Variants in BLM observed in about 807,000 individuals in gnomAD.
The protein encoded by BLM is recQ-like DNA helicase BLM.
Under a neutral mutation model 135.3 loss-of-function variants are expected in BLM, and 95 were observed. That is an observed-to-expected ratio of 0.70 (90% confidence interval 0.59 to 0.83). The LOEUF (loss-of-function observed/expected upper bound fraction) is 0.83. BLM is among the 40% of genes least tolerant of loss of function. The pLI is 0.00. For missense variants in BLM, 1,518 were observed against 1,663.9 expected, an observed-to-expected ratio of 0.91 and a Z score of 1.53; for synonymous variants, 520 against 589.2, an observed-to-expected ratio of 0.88 and a Z score of 1.70.
chr15:90,767,613 C>T (rs77039044), intron 10 of BLM, among the ~76,000 whole-genome samples: 24,057 of 152,126 alleles, frequency 0.16, 1,987 homozygotes, highest in East Asian at 0.23. Context: ...GTGATATGTT[C>T]TCATGCCCAC....
At chr15:90,750,105 G>T (rs368181265) in intron 3 of BLM, 38 bp downstream of exon 3, 1 of 1,599,848 alleles carries the variant, frequency 6.3e-7, no homozygotes, top group Admixed American at 1.7e-5. Flanking sequence ...TATGTTCATT[G>T]TACTTTTTTA....
chr15:90,794,101 T>A, intron 15 of BLM, 66 bp from the exon 16 acceptor site: 1 of 1,213,786 alleles, frequency 8.2e-7, no homozygotes, highest in Non-Finnish European at 1.2e-6. Flanking sequence ...CTATTCTAAA[T>A]ATTTCTATGA....
rs367658942 is a variant in BLM at position 90,790,440 on chromosome 15, C to G, written c.2824-209C>G. ...CCTGCCATGCTGAGCTTCTCTTTAC[C>G]TTCTTGGGTTTTAATGGCATTGCAA... On this transcript the variant is annotated intron_variant, in intron 14 of 21. Transcript: ENST00000355112. The G allele has an allele frequency of 5.8e-5, 34 of 582,974 alleles. No homozygotes were observed. The highest frequency in any genetic ancestry group is 2.9e-4 in the South Asian group (14 of 48,860). 36.1% of individuals were successfully genotyped at this position (582,974 alleles called of 1,614,324 possible).
intron 4 of BLM, among the ~76,000 whole-genome samples, chr15:90,752,618 G>T (rs1009955297): frequency 6.6e-6 from 1 of 152,204 alleles, no homozygotes; most frequent in African/African-American, 2.4e-5. Context: ...CTACAGGATA[G>T]AATTGGCCAT....
chr15:90,752,751 T>G (rs1895721414), intron 4 of BLM, among the ~76,000 whole-genome samples: 1 of 152,210 alleles, frequency 6.6e-6, no homozygotes, highest in African/African-American at 2.4e-5. Flanking sequence ...AGTGTCAATG[T>G]TACCTTCGTC....
In BLM at chr15:90,766,928, A is replaced by T; in HGVS notation, c.2212A>T (p.Thr738Ser). Residue 738 changes from threonine to serine, a missense_variant, in exon 10 of 22, where the codon ACA becomes TCA. By Grantham distance (58) the Thr-to-Ser change is moderately conservative. Transcript: ENST00000355112. ...TSLDIPATYL[T>S]GDKTDSEATN... ...TACTTAGATTCCAGCTACATATCTG[A>T]CAGGTGATAAGACTGACTCAGAAGC... 1 of 1,598,194 alleles carries T rather than the reference A, an allele frequency of 6.3e-7. No individual in the cohort carries two copies. Among genetic ancestry groups the T allele is most frequent in the Non-Finnish European group, 8.6e-7 (1 of 1,166,506 alleles).
intron 14 of BLM, 57 bp from the exon 15 acceptor site, chr15:90,790,592 A>T (rs1896878252): frequency 6.6e-7 from 1 of 1,517,606 alleles, no homozygotes; most frequent in Non-Finnish European, 9.2e-7. Flanking sequence ...TCTATTATGA[A>T]AATGTTCCTT....
chr15:90,739,085 ATAT>A (rs1417876981), intron 1 of BLM, among the ~76,000 whole-genome samples: 2 of 152,172 alleles, frequency 1.3e-5, no homozygotes, highest in South Asian at 2.1e-4. Flanking sequence ...CTACAGTTAG[ATAT>A]TATTCAGCCT....
At chr15:90,809,962 G>A (rs1423936765) in intron 20 of BLM, among the ~76,000 whole-genome samples, 1 of 152,146 alleles carries the variant, frequency 6.6e-6, no homozygotes, top group Non-Finnish European at 1.5e-5. Flanking sequence ...CAACAGACAG[G>A]CCCGGTTCAG....
chr15:90,761,798 G>A (rs550212792), intron 7 of BLM, among the ~76,000 whole-genome samples: 34 of 152,194 alleles, frequency 2.2e-4, no homozygotes, highest in Middle Eastern at 3.4e-3. Context: ...GTTGGGCGCC[G>A]ATCATTTAAA....
intron 9 of BLM, among the ~76,000 whole-genome samples, chr15:90,765,873 A>T (rs1004138766): frequency 6.6e-6 from 1 of 152,174 alleles, no homozygotes; most frequent in Admixed American, 6.5e-5. Flanking sequence ...AGTGACTTGG[A>T]AGGCAAAGGT....
chr15:90,728,199 A>G (rs1157397218), intron 1 of BLM, among the ~76,000 whole-genome samples: 2 of 151,706 alleles, frequency 1.3e-5, no homozygotes, highest in Non-Finnish European at 2.9e-5. Context: ...ACCATGACCA[A>G]CAAATATTTG....
rs375896520 is a variant in BLM, at chr15:90,811,278, C to G, written c.3948C>G (p.Asp1316Glu). Residue 1316 changes from aspartate (D) to glutamate (E), a missense_variant, in exon 21 of 22, where the codon GAC (aspartate) becomes GAG (glutamate). By Grantham distance (45) the Asp-to-Glu change is conservative. Coordinates refer to ENST00000355112, the MANE Select transcript of BLM (RefSeq NM_000057.4). ...GAAGAAGTGCCGCTGAGGAGCTCGA[C>G]GAGGAAATACCCGTATCTTCCCACT... ...GPGRSAAEEL[D>E]EEIPVSSHYF... The G allele has an allele frequency of 6.2e-7, 1 of 1,614,082 alleles. No homozygotes were observed. Among genetic ancestry groups the G allele is most frequent in the Non-Finnish European group, 8.5e-7 (1 of 1,180,026 alleles).
At chr15:90,791,724 C>T (rs889608860) in intron 15 of BLM, among the ~76,000 whole-genome samples, 6 of 152,072 alleles carry the variant, frequency 3.9e-5, no homozygotes, top group East Asian at 3.9e-4. Context: ...CTGCAACCTC[C>T]GCCTCCCGGG....
intron 1 of BLM, among the ~76,000 whole-genome samples, chr15:90,744,634 T>G (rs1405164433): frequency 1.3e-5 from 2 of 152,068 alleles, no homozygotes; most frequent in Non-Finnish European, 2.9e-5. Context: ...CCTTCCAAAG[T>G]GCTGGGATTA....
At position 90,815,610 on chromosome 15, in the gene BLM, A is replaced by G. The variant is rs1002600000; in HGVS notation, c.*331A>G. 5.9e-6 allele frequency: 2 copies of G among 339,960 alleles called. No homozygotes were observed. The highest frequency in any genetic ancestry group is 4.3e-5 in the African/African-American group (2 of 46,702). The allele number at this position is 339,960 out of a possible 1,614,324, so 21.1% of individuals were successfully genotyped here. A position where few individuals can be genotyped will look rare whatever the true frequency, so the allele number is the denominator to read the frequency against. The stretch of plus-strand genomic sequence containing the variant: ...CACGCGTGGGCCCTTGTGAAACTAA[A>G]GCTTTTCGTGTAAGACAACACAAAC... On this transcript the variant is annotated 3_prime_UTR_variant, in exon 22 of 22. Transcript: ENST00000355112. This position sits in a 1 kb window ranked among gnomAD's most constrained non-coding sequence, Gnocchi z 4.6.
intron 12 of BLM, among the ~76,000 whole-genome samples, chr15:90,775,498 T>A (rs1896450393): frequency 7.1e-6 from 1 of 141,596 alleles, no homozygotes. Flanking sequence ...TGTTTTTATT[T>A]TTTATATATA....
chr15:90,755,072 G>A (rs1895783343), intron 5 of BLM, 134 bp downstream of exon 5: 1 of 1,146,344 alleles, frequency 8.7e-7, no homozygotes, highest in African/African-American at 1.6e-5. Flanking sequence ...TTCTTCTAAT[G>A]TCATAACCTT....
Position 90,798,335 on chromosome 15 carries a change from T to C in BLM, c.3356T>C (p.Leu1119Ser). 6.2e-7 allele frequency: 1 copy of C among 1,612,846 alleles called. No homozygotes were observed. The highest frequency in any genetic ancestry group is 2.2e-5 in the East Asian group (1 of 44,740). The change falls in exon 17 of 22, where the codon TTG (leucine) becomes TCG (serine). Residue 1119 changes from leucine (L) to serine (S), a missense_variant and splice_region_variant. Leu to Ser is a moderately radical substitution (Grantham distance 145). Transcript: ENST00000355112. Reference sequence around the variant, plus strand: ...ATGAATATGCTGGTCGACATTTTCTTGGGTAAGTCATCTGTTTTGAATGTT... The same window carrying C: ...ATGAATATGCTGGTCGACATTTTCTCGGGTAAGTCATCTGTTTTGAATGTT... ...FTMNMLVDIFLGSKSAKIQSG... is the reference protein window; with the variant it reads ...FTMNMLVDIFSGSKSAKIQSG...
Sources: gnomAD v4.1 joint callset for allele counts (sites outside exome capture counted in the v4.1 genomes callset) on GRCh38, gnomAD v4.1.1 for gene constraint, Gnocchi (gnomAD v3.1) non-coding constraint, MANE v1.5 for transcripts, NCBI Gene and HGNC (gene_info 2026-07-23, HGNC 2026-07-21) for gene names.